NR3C2: variants seen among roughly 807,000 people sequenced by gnomAD.
The protein encoded by NR3C2 is nuclear receptor subfamily 3 group C member 2.
A neutral mutation model predicts 86.4 loss-of-function variants in NR3C2; 15 were observed. The observed-to-expected ratio is 0.17, with a 90% CI of 0.12 to 0.27. The LOEUF is 0.27. NR3C2 is among the 10% of genes least tolerant of loss of function. NR3C2 has a pLI of 1.00. For missense variants in NR3C2, 960 were observed against 1,195.6 expected, an observed-to-expected ratio of 0.80 and a Z score of 2.91; for synonymous variants, 458 against 450.5, an observed-to-expected ratio of 1.02 and a Z score of -0.21.
intron 3 of NR3C2, among the ~76,000 whole-genome samples, chr4:148,201,802 C>T (rs1344864233): frequency 6.6e-6 from 1 of 152,210 alleles, no homozygotes; most frequent in African/African-American, 2.4e-5. Context: ...ATACCCCCTT[C>T]AACTCCCCAT....
intron 2 of NR3C2, among the ~76,000 whole-genome samples, chr4:148,376,726 T>C (rs1746699693): frequency 6.6e-6 from 1 of 152,240 alleles, no homozygotes; most frequent in African/African-American, 2.4e-5. Flanking sequence ...ACTAAAATTT[T>C]GTTGGTAAGA....
intron 2 of NR3C2, among the ~76,000 whole-genome samples, chr4:148,278,577 G>GCACA (rs1022812443): frequency 6.6e-6 from 1 of 151,778 alleles, no homozygotes; most frequent in East Asian, 1.9e-4. Context: ...GCGTGCGCGC[G>GCACA]CACACACACA....
At chr4:148,304,285 C>T (rs1742492405) in intron 2 of NR3C2, among the ~76,000 whole-genome samples, 1 of 150,760 alleles carries the variant, frequency 6.6e-6, no homozygotes, top group South Asian at 2.1e-4. Context: ...AGAAGGGAAC[C>T]CAGAAGCCTG....
At chr4:148,259,026 C>G (rs1298246434) in intron 3 of NR3C2, among the ~76,000 whole-genome samples, 1 of 152,148 alleles carries the variant, frequency 6.6e-6, no homozygotes, top group Non-Finnish European at 1.5e-5. Context: ...AGAATAATTA[C>G]TTGGTTAACT....
In NR3C2 at chr4:148,288,136, G is replaced by A. The variant is rs1225522279; in HGVS notation, c.1758-28019C>T. Among the ~76,000 whole-genome samples, 4 of 152,286 alleles carry A rather than the reference G, an allele frequency of 2.6e-5. No individual in the cohort carries two copies. The East Asian group carries it at 7.7e-4, about 29-fold the overall frequency. On this transcript the variant is annotated intron_variant, in intron 2 of 8. Transcript: ENST00000358102. Reference sequence around the variant, plus strand: ...TGGTCCCATTGATACCACGGTATAAGTGATACACATTTTAGAGGTCACTGG... The same window carrying A: ...TGGTCCCATTGATACCACGGTATAAATGATACACATTTTAGAGGTCACTGG...
chr4:148,356,995 A>G (rs1389395075), intron 2 of NR3C2, among the ~76,000 whole-genome samples: 1 of 151,790 alleles, frequency 6.6e-6, no homozygotes, highest in Non-Finnish European at 1.5e-5. Context: ...CCTCATAGGA[A>G]CACCTGCTAT....
intron 2 of NR3C2, among the ~76,000 whole-genome samples, chr4:148,337,704 A>T (rs947450176): frequency 2.0e-5 from 3 of 152,208 alleles, no homozygotes; most frequent in Non-Finnish European, 2.9e-5. Flanking sequence ...AATCTTAAAA[A>T]TGTTTCTATG....
chr4:148,101,506 T>C (rs1250695052), intron 8 of NR3C2, among the ~76,000 whole-genome samples: 1 of 152,216 alleles, frequency 6.6e-6, no homozygotes, highest in Non-Finnish European at 1.5e-5. Flanking sequence ...GTTCAGGACC[T>C]GCATCATTGA....
At chr4:148,212,742 A>G (rs919348321) in intron 3 of NR3C2, among the ~76,000 whole-genome samples, 5 of 152,252 alleles carry the variant, frequency 3.3e-5, no homozygotes, top group Non-Finnish European at 7.3e-5. Flanking sequence ...GGGCAGAAAA[A>G]TAGATTCTCA....
intron 3 of NR3C2, among the ~76,000 whole-genome samples, chr4:148,212,536 C>T (rs1234265274): frequency 6.6e-6 from 1 of 152,194 alleles, no homozygotes; most frequent in Non-Finnish European, 1.5e-5. Context: ...CCTGTCAATG[C>T]CTTGCCTAGC....
intron 4 of NR3C2, among the ~76,000 whole-genome samples, chr4:148,165,595 AAG>A (rs933070462): frequency 1.3e-5 from 2 of 152,164 alleles, no homozygotes; most frequent in African/African-American, 4.8e-5. Flanking sequence ...ATCAAATCAT[AAG>A]TAATCCTTTA....
intron 3 of NR3C2, among the ~76,000 whole-genome samples, chr4:148,244,306 T>C (rs529798801): frequency 2.0e-5 from 3 of 152,312 alleles, no homozygotes; most frequent in South Asian, 2.1e-4. Context: ...CTGCTGAAAG[T>C]TTAAAAATAT....
chr4:148,190,016 T>C (rs1021352901), intron 4 of NR3C2, among the ~76,000 whole-genome samples: 4 of 152,174 alleles, frequency 2.6e-5, no homozygotes, highest in Non-Finnish European at 5.9e-5. Flanking sequence ...TCTTTTGTAT[T>C]GTTTGTTTGT....
intron 2 of NR3C2, among the ~76,000 whole-genome samples, chr4:148,347,474 G>C (rs116810142): frequency 2.6e-4 from 39 of 152,164 alleles, no homozygotes; most frequent in African/African-American, 9.1e-4. Context: ...TAGAATCTTG[G>C]ATTAGATAAT....
chr4:148,444,165 C>T (rs1362860205), upstream of NR3C2: 6 of 985,302 alleles, frequency 6.1e-6, no homozygotes, highest in Admixed American at 6.1e-5. Flanking sequence ...AGCCTGGGCA[C>T]GCGAGGCGGC....
chr4:148,090,523 T>G (rs1053197532), intron 8 of NR3C2, among the ~76,000 whole-genome samples: 8 of 152,162 alleles, frequency 5.3e-5, no homozygotes, highest in African/African-American at 1.7e-4. Context: ...AAGTCGACCC[T>G]TGAACAAGAG....
chr4:148,119,707 A>G (rs112752282), intron 7 of NR3C2, among the ~76,000 whole-genome samples: 30 of 150,580 alleles, frequency 2.0e-4, no homozygotes, highest in African/African-American at 7.1e-4. Context: ...AATCGCTTGA[A>G]CCTGGGAGGT....
chr4:148,221,906 A>AAAG (rs1737875403), intron 3 of NR3C2, among the ~76,000 whole-genome samples: 1 of 151,422 alleles, frequency 6.6e-6, no homozygotes, highest in Non-Finnish European at 1.5e-5. Flanking sequence ...AAAAAAAAAA[A>AAAG]AAAAAAGAAA....
intron 2 of NR3C2, among the ~76,000 whole-genome samples, chr4:148,266,540 A>C (rs2149879119): frequency 6.6e-6 from 1 of 152,342 alleles, no homozygotes; most frequent in Non-Finnish European, 1.5e-5. Context: ...GAGGAAGGAA[A>C]GATGAGAGGG....
Sources: gnomAD v4.1 joint callset for allele counts (sites outside exome capture counted in the v4.1 genomes callset) on GRCh38, gnomAD v4.1.1 for gene constraint, MANE v1.5 for transcripts, NCBI Gene and HGNC (gene_info 2026-07-23, HGNC 2026-07-21) for gene names.